The following CNTN4 variants were observed in gnomAD, a reference collection of about 807,000 sequenced individuals.
CNTN4 encodes contactin-4.
CNTN4 carries 77 observed loss-of-function variants against 122.5 expected under a neutral mutation model. The observed-to-expected ratio is 0.63, with a 90% CI of 0.52 to 0.76. The LOEUF (loss-of-function observed/expected upper bound fraction) is 0.76. CNTN4 is among the 30% of genes least tolerant of loss of function. The pLI, the probability that CNTN4 is intolerant of heterozygous loss-of-function variation, is 0.00. For synonymous variants in CNTN4, 512 were observed against 447.0 expected, an observed-to-expected ratio of 1.15 and a Z score of -1.83; for missense variants, 1,256 against 1,259.1, an observed-to-expected ratio of 1.00 and a Z score of 0.04.
At chr3:2,965,112 G>A (rs747182914) in intron 13 of CNTN4, among the ~76,000 whole-genome samples, 1 of 152,096 alleles carries the variant, frequency 6.6e-6, no homozygotes, top group Non-Finnish European at 1.5e-5. Context: ...ATTATCTTAG[G>A]TATCATTTTC....
rs1428347200 is a variant in CNTN4 at position 2,729,389 on chromosome 3, CA to C, written c.56-6820del. ...ACCATCCCGGCTAACACAAAATTAA[CA>C]AAAAATTAGCCGGGCGTGGTGGCAG... On this transcript the variant is annotated intron_variant, in intron 4 of 24. Transcript: ENST00000418658. Among the ~76,000 whole-genome samples the C allele has an allele frequency of 2.6e-3, 387 of 148,564 alleles. 7 individuals are homozygous for C. The highest frequency in any genetic ancestry group is 9.6e-3 in the African/African-American group (375 of 39,042).
intron 3 of CNTN4, among the ~76,000 whole-genome samples, chr3:2,439,579 G>A (rs2048363087): frequency 6.6e-6 from 1 of 151,998 alleles, no homozygotes; most frequent in African/African-American, 2.4e-5. Flanking sequence ...AGCTTGAATT[G>A]TGGTCATCTG....
At chr3:2,552,687 G>A (rs2078559651) in intron 3 of CNTN4, among the ~76,000 whole-genome samples, 1 of 152,154 alleles carries the variant, frequency 6.6e-6, no homozygotes, top group African/African-American at 2.4e-5. Flanking sequence ...GTATCAAAGA[G>A]AGGAGACTTT....
At chr3:2,672,289 TTACC>T (rs1253693223) in intron 4 of CNTN4, among the ~76,000 whole-genome samples, 2 of 152,198 alleles carry the variant, frequency 1.3e-5, no homozygotes, top group Non-Finnish European at 2.9e-5. Flanking sequence ...GCCAATTTGT[TTACC>T]TACTCAAGCC....
chr3:2,240,044 T>C (rs926919886), intron 2 of CNTN4, among the ~76,000 whole-genome samples: 7 of 152,212 alleles, frequency 4.6e-5, no homozygotes, highest in African/African-American at 1.7e-4. Context: ...TTTTCCTTTC[T>C]GGATTTGAAT....
intron 4 of CNTN4, among the ~76,000 whole-genome samples, chr3:2,692,613 C>G (rs2085802681): frequency 6.6e-6 from 1 of 152,126 alleles, no homozygotes; most frequent in African/African-American, 2.4e-5. Flanking sequence ...GAACAGCTCT[C>G]TTTCTTAAAA....
intron 3 of CNTN4, among the ~76,000 whole-genome samples, chr3:2,360,108 T>C (rs954163048): frequency 1.3e-5 from 2 of 152,170 alleles, no homozygotes; most frequent in Admixed American, 1.3e-4. Flanking sequence ...TGACTATTTA[T>C]TGTGATTAGA....
chr3:2,350,681 C>T (rs76943089), intron 3 of CNTN4, among the ~76,000 whole-genome samples: 254 of 152,186 alleles, frequency 1.7e-3, no homozygotes, highest in African/African-American at 3.8e-3. Context: ...AGTTTTTGTT[C>T]ATGAAGTAGC....
chr3:2,239,130 T>A (rs2039824448), intron 2 of CNTN4: 1 of 152,284 alleles, frequency 6.6e-6, no homozygotes, highest in Non-Finnish European at 1.5e-5. Context: ...ACTTTTAATT[T>A]AGTGCATATA....
At chr3:2,710,729 T>C (rs1236630367) in intron 4 of CNTN4, among the ~76,000 whole-genome samples, 2 of 152,224 alleles carry the variant, frequency 1.3e-5, no homozygotes, top group Admixed American at 6.5e-5. Context: ...CTACCTCTGA[T>C]GAATAATTTC....
intron 2 of CNTN4, among the ~76,000 whole-genome samples, chr3:2,170,059 C>A (rs145370845): frequency 1.3e-5 from 2 of 151,976 alleles, no homozygotes. Context: ...CGGTGGCTCA[C>A]GCCTGTAATC....
At chr3:2,549,356 T>C (rs2078384459) in intron 3 of CNTN4, among the ~76,000 whole-genome samples, 1 of 152,168 alleles carries the variant, frequency 6.6e-6, no homozygotes, top group Admixed American at 6.5e-5. Flanking sequence ...TAGCTCTTAT[T>C]ATTTTGAGAT....
intron 9 of CNTN4, among the ~76,000 whole-genome samples, chr3:2,884,365 G>T (rs1235093726): frequency 6.6e-6 from 1 of 152,002 alleles, no homozygotes; most frequent in African/African-American, 2.4e-5. Flanking sequence ...AGGTTGTTTT[G>T]GTTTCCATGT....
At chr3:2,664,240 T>G (rs998936286) in intron 4 of CNTN4, among the ~76,000 whole-genome samples, 2 of 152,172 alleles carry the variant, frequency 1.3e-5, no homozygotes, top group Admixed American at 1.3e-4. Context: ...TTTGGGGTAA[T>G]AGAAATACAT....
intron 7 of CNTN4, among the ~76,000 whole-genome samples, chr3:2,862,521 G>C (rs765164401): frequency 6.6e-6 from 1 of 152,086 alleles, no homozygotes; most frequent in South Asian, 2.1e-4. Flanking sequence ...TTTTTCAGTT[G>C]AGCCCCAGAA....
At chr3:2,623,485 C>G (rs2082069086) in intron 4 of CNTN4, among the ~76,000 whole-genome samples, 1 of 152,096 alleles carries the variant, frequency 6.6e-6, no homozygotes, top group African/African-American at 2.4e-5. Context: ...CTACTGGAAT[C>G]TAGAGAACAG....
At chr3:2,161,791 G>A (rs1386165619) in intron 2 of CNTN4, among the ~76,000 whole-genome samples, 1 of 152,118 alleles carries the variant, frequency 6.6e-6, no homozygotes, top group Admixed American at 6.5e-5. Context: ...CGAATTGTGA[G>A]GTTTGTGTAT....
At chr3:2,214,414 C>T (rs777843193) in intron 2 of CNTN4, among the ~76,000 whole-genome samples, 4 of 152,110 alleles carry the variant, frequency 2.6e-5, no homozygotes, top group South Asian at 4.1e-4. Context: ...ATCAGATTTC[C>T]GTGTATTTAA....
intron 7 of CNTN4, among the ~76,000 whole-genome samples, chr3:2,844,183 TC>T (rs1190415218): frequency 1.3e-5 from 2 of 152,206 alleles, no homozygotes; most frequent in Admixed American, 6.5e-5. Context: ...TCTGCTCATT[TC>T]CACCCCTTCC....
Sources: allele counts gnomAD v4.1 joint callset (sites outside exome capture counted in the v4.1 genomes callset), GRCh38; gene constraint gnomAD v4.1.1; transcripts MANE v1.5; gene names NCBI Gene and HGNC (gene_info 2026-07-23, HGNC 2026-07-21).